Variants in PCDHGB1 observed in about 807,000 individuals in gnomAD.
The protein encoded by PCDHGB1 is protocadherin gamma subfamily B, 1, also known as protocadherin gamma-B1.
A neutral mutation model predicts 56.6 loss-of-function variants in PCDHGB1; 34 were observed. The ratio of observed to expected loss-of-function variants is 0.60; its 90% CI spans 0.46 to 0.80. The LOEUF (loss-of-function observed/expected upper bound fraction) is 0.80. Ranked by LOEUF, PCDHGB1 falls within the 30% of genes least tolerant of loss-of-function variation. The pLI, the probability that PCDHGB1 is intolerant of heterozygous loss-of-function variation, is 0.00. For missense variants in PCDHGB1, 1,278 were observed against 1,204.6 expected (o/e 1.06, Z -0.90); for synonymous variants, 561 against 505.9 (o/e 1.11, Z -1.46).
At chr5:141,421,148 G>A (rs1334539595) in intron 1 of PCDHGB1, 2 of 1,056,062 alleles carry the variant, frequency 1.9e-6, no homozygotes, top group African/African-American at 1.6e-5. Context: ...GATGTAGTCG[G>A]CCTAGGACTT....
intron 1 of PCDHGB1, among the ~76,000 whole-genome samples, chr5:141,402,158 G>A (rs1276790302): frequency 2.0e-5 from 3 of 151,990 alleles, no homozygotes; most frequent in Non-Finnish European, 2.9e-5. Context: ...AATATTAGGC[G>A]AGAACATCTG....
At chr5:141,465,856 C>T (rs1442431032) in intron 1 of PCDHGB1, among the ~76,000 whole-genome samples, 1 of 152,184 alleles carries the variant, frequency 6.6e-6, no homozygotes, top group East Asian at 1.9e-4. Context: ...GGCCCAGTGG[C>T]TCATGCCTGT....
chr5:141,430,763 A>C, intron 1 of PCDHGB1: 1 of 1,506,248 alleles, frequency 6.6e-7, no homozygotes, highest in Non-Finnish European at 8.9e-7. Flanking sequence ...GATAAGAATG[A>C]TTCCTGCGCG....
chr5:141,465,629 C>A (rs1048373153), intron 1 of PCDHGB1, among the ~76,000 whole-genome samples: 1 of 152,204 alleles, frequency 6.6e-6, no homozygotes, highest in Non-Finnish European at 1.5e-5. Flanking sequence ...AGTCAACCAG[C>A]AAAATGCTTT....
rs567684479 is a variant in PCDHGB1 at position 141,432,875 on chromosome 5, G to T, written c.2410-61932G>T. The T allele has an allele frequency of 6.2e-7, 1 of 1,614,178 alleles. No individual in the cohort carries two copies. Among genetic ancestry groups the T allele is most frequent in the South Asian group, 1.1e-5 (1 of 91,084 alleles). ...GGCCGCGGTCTCCTGCGTCTTCCTG[G>T]CCTTCGTCATCTTGCTGCTGGCGCT... On this transcript the variant is annotated intron_variant, in intron 1 of 3. Coordinates refer to ENST00000523390, the MANE Select transcript of PCDHGB1 (RefSeq NM_018922.3). This position sits in a 1 kb window ranked among gnomAD's most constrained non-coding sequence, Gnocchi z 6.0.
In PCDHGB1 at chr5:141,491,357, T is replaced by C; in HGVS notation, c.2410-3450T>C. 6.2e-7 allele frequency: 1 copy of C among 1,614,144 alleles called. No homozygotes were observed. Among genetic ancestry groups the C allele is most frequent in the South Asian group, 1.1e-5 (1 of 91,080 alleles). On this transcript the variant is annotated intron_variant, in intron 1 of 3. Transcript: ENST00000523390. This position sits in a 1 kb window ranked among gnomAD's most constrained non-coding sequence, Gnocchi z 6.9. ...CTAGCGACCGTCAGTCTCTTATCCCTAGTCACCTTCACCTTTCTGTCAGCG... is the reference window on the plus strand; with the variant it reads ...CTAGCGACCGTCAGTCTCTTATCCCCAGTCACCTTCACCTTTCTGTCAGCG...
intron 1 of PCDHGB1, chr5:141,385,316 G>A: frequency 1.2e-6 from 2 of 1,610,350 alleles, no homozygotes; most frequent in Non-Finnish European, 1.7e-6. Flanking sequence ...AACCTGCCAA[G>A]TATTCAGGTG....
chr5:141,411,001 C>G lies in PCDHGB1; in HGVS notation c.2409+58332C>G, dbSNP rs2095456042. 1.8e-5 allele frequency: 3 copies of G among 168,822 alleles called. No individual in the cohort carries two copies. The South Asian group carries it at 4.7e-4, about 26-fold the overall frequency. The allele number at this position is 168,822 out of a possible 1,614,324, so 10.5% of individuals were successfully genotyped here. ...CCCAAGTAGCTGGGATTACTGGTGC[C>G]CCTCACCACAGCTAAATTTTTTGTA... On this transcript the variant is annotated intron_variant, in intron 1 of 3. Coordinates refer to ENST00000523390, the MANE Select transcript of PCDHGB1 (RefSeq NM_018922.3).
In PCDHGB1 at chr5:141,511,477, C is replaced by A; in HGVS notation, c.*304C>A. 2.1e-6 allele frequency: 1 copy of A among 482,262 alleles called. No homozygotes were observed. The allele number at this position is 482,262 out of a possible 1,614,324, so 29.9% of individuals were successfully genotyped here. A position where few individuals can be genotyped will look rare whatever the true frequency, so the allele number is the denominator to read the frequency against. On this transcript the variant is annotated 3_prime_UTR_variant, in exon 4 of 4. Coordinates refer to ENST00000523390, the MANE Select transcript of PCDHGB1 (RefSeq NM_018922.3). ...TTTGCCACACCCCGTTTAGTTACAG[C>A]TGAACTCCTCCATCTTCCAAATCAA...
intron 2 of PCDHGB1, 141 bp downstream of exon 2, chr5:141,495,006 G>A (rs1030195663): frequency 1.3e-6 from 2 of 1,521,564 alleles, no homozygotes; most frequent in Non-Finnish European, 1.8e-6. Flanking sequence ...CTTGGTGTGC[G>A]GGGGGCTGGC....
chr5:141,352,297 C>A lies in PCDHGB1; in HGVS notation c.2037C>A (p.Asp679Glu). 6.2e-7 allele frequency: 1 copy of A among 1,614,070 alleles called. No individual in the cohort carries two copies. The highest frequency in any genetic ancestry group is 8.5e-7 in the Non-Finnish European group (1 of 1,179,912). The part of the protein sequence containing the change: ...PDLSDRPEPS[D>E]PQTELQFYLV... The stretch of plus-strand genomic sequence containing the variant: ...TCAGCGACCGCCCTGAGCCCTCTGA[C>A]CCCCAGACGGAACTGCAGTTTTACC... Residue 679 changes from aspartate to glutamate, a missense_variant, in exon 1 of 4, where the codon GAC (aspartate) becomes GAA (glutamate). Physicochemically the swap from Asp to Glu is conservative, Grantham distance 45 (BLOSUM62 2). Coordinates refer to ENST00000523390, the MANE Select transcript of PCDHGB1 (RefSeq NM_018922.3).
intron 1 of PCDHGB1, chr5:141,413,151 T>G (rs1192899612): frequency 6.4e-7 from 1 of 1,573,560 alleles, no homozygotes; most frequent in Non-Finnish European, 8.6e-7. Context: ...GTGAGGACTT[T>G]GCAGAATTCT....
intron 1 of PCDHGB1, chr5:141,366,265 C>G (rs756734800): frequency 6.2e-7 from 1 of 1,613,566 alleles, no homozygotes; most frequent in Non-Finnish European, 8.5e-7. Context: ...TCGTGGTGGC[C>G]GTCGAAGACC....
intron 1 of PCDHGB1, chr5:141,383,588 T>C: frequency 6.2e-7 from 1 of 1,613,646 alleles, no homozygotes; most frequent in Non-Finnish European, 8.5e-7. Context: ...CACATCCAGG[T>C]GACAGTGGTG....
In PCDHGB1 at chr5:141,409,485, G is replaced by A. The variant is rs374642418; in HGVS notation, c.2409+56816G>A. On this transcript the variant is annotated intron_variant, in intron 1 of 3. Coordinates refer to ENST00000523390, the MANE Select transcript of PCDHGB1 (RefSeq NM_018922.3). ...GTCACCATCGTAGCCACTGACAGGG[G>A]CAAGCCGCCTCTTTCTTCCAGTAGA... 9.9e-6 allele frequency: 16 copies of A among 1,613,856 alleles called. No homozygotes were observed. Among genetic ancestry groups the A allele is most frequent in the African/African-American group, 9.3e-5 (7 of 74,934 alleles).
intron 1 of PCDHGB1, chr5:141,356,703 GTCC>G (rs749123912): frequency 3.1e-6 from 5 of 1,613,980 alleles, no homozygotes; most frequent in Non-Finnish European, 3.4e-6. Context: ...GTGCACCTCT[GTCC>G]TCCTATGTCT....
At chr5:141,433,124 G>T in intron 1 of PCDHGB1, 5 of 1,614,136 alleles carry the variant, frequency 3.1e-6, no homozygotes, top group Non-Finnish European at 4.2e-6. Context: ...TGAAAAAAGC[G>T]AGCCCCTTTT....
intron 1 of PCDHGB1, chr5:141,419,835 C>T: frequency 1.2e-6 from 2 of 1,614,084 alleles, no homozygotes; most frequent in African/African-American, 1.3e-5. Flanking sequence ...GCCACTGCCA[C>T]GCTGCACCTG....
At chr5:141,394,681 C>G in intron 1 of PCDHGB1, 2 of 1,612,998 alleles carry the variant, frequency 1.2e-6, no homozygotes, top group Non-Finnish European at 1.7e-6. Context: ...GGTCTGCACA[C>G]GGGCGAGGTG....
Sources: allele counts gnomAD v4.1 joint callset (sites outside exome capture counted in the v4.1 genomes callset), GRCh38; gene constraint gnomAD v4.1.1; non-coding constraint Gnocchi (gnomAD v3.1); transcripts MANE v1.5; gene names NCBI Gene and HGNC (gene_info 2026-07-23, HGNC 2026-07-21).